Variants in MAX observed in about 807,000 individuals in gnomAD.
MAX encodes the protein protein max.
In MAX, 3 loss-of-function variants were observed where a neutral mutation model predicts 22.3. The observed-to-expected ratio is 0.13, with a 90% confidence interval of 0.06 to 0.35. The LOEUF (loss-of-function observed/expected upper bound fraction) is 0.35. Ranked by LOEUF, MAX falls within the 10% of genes least tolerant of loss-of-function variation. The probability of loss-of-function intolerance (pLI) is 1.00; values close to 1 mark genes in which losing one functional copy is unlikely to be tolerated. For synonymous variants in MAX, 72 were observed against 77.7 expected, an observed-to-expected ratio of 0.93 and a Z score of 0.39; for missense variants, 119 against 209.4, an observed-to-expected ratio of 0.57 and a Z score of 2.66.
chr14:65,081,414 C>T lies in MAX; in HGVS notation c.172-3378G>A, dbSNP rs1039835943. On this transcript the variant is annotated intron_variant, in intron 3 of 4. Transcript: ENST00000358664. ...AATCCTCCCCTCCCATCTTTCCACT[C>T]CATACAAGATCATGTGGCCAAACAC... 1.3e-5 allele frequency among the ~76,000 whole-genome samples: 2 copies of T among 152,310 alleles called. 1 individual carries two copies. Among genetic ancestry groups the T allele is most frequent in the Admixed American group, 1.3e-4 (2 of 15,302 alleles).
rs1426252910 is a variant in MAX, at chr14:65,009,794, C to G, written c.172-3510G>C. Among the ~76,000 whole-genome samples the G allele has an allele frequency of 2.6e-5, 4 of 152,194 alleles. No individual in the cohort carries two copies. The highest frequency in any genetic ancestry group is 4.8e-5 in the African/African-American group (2 of 41,436). On this transcript the variant is annotated intron_variant, in intron 3 of 3. Coordinates refer to the MAX transcript ENST00000341653. The surrounding 1 kb of genome is among the most constrained non-coding windows in gnomAD (Gnocchi z 4.2). ...ACTCATGTCTTTCCAGCCTTAAACT[C>G]AATGCTCTTCCCTTTGGGAAGAGTT...
intron 3 of MAX, among the ~76,000 whole-genome samples, chr14:65,053,608 G>T (rs56114828): frequency 0.012 from 1,543 of 128,900 alleles, 10 homozygotes; most frequent in South Asian, 0.015. Context: ...TTGCTGGGTA[G>T]ATAACTCTTC....
In MAX at chr14:65,031,923, TA is replaced by T. The variant is rs2062092952; in HGVS notation, c.172-25640del. 6.6e-6 allele frequency among the ~76,000 whole-genome samples: 1 copy of T among 151,336 alleles called. No homozygotes were observed. On this transcript the variant is annotated intron_variant, in intron 3 of 3. Transcript: ENST00000341653. This position sits in a 1 kb window ranked among gnomAD's most constrained non-coding sequence, Gnocchi z 4.6. ...GCGACAGAGTGAGACCCTGTCTCAA[TA>T]AAAACCAAAACAAAAGCAAAACAAA... is the stretch of plus-strand genomic sequence containing the variant.
rs2139885959 is a variant in MAX, at chr14:65,093,783, T to C, written c.96A>G (p.Glu32=). Residue 32 remains glutamate, a synonymous_variant, in exon 3 of 5, where the codon GAA becomes GAG. Coordinates refer to ENST00000358664, the MANE Select transcript of MAX (RefSeq NM_002382.5). This position sits in a 1 kb window ranked among gnomAD's most constrained non-coding sequence, Gnocchi z 4.4. The part of the protein sequence containing the change: ...ADKRAHHNAL[E]RKRRDHIKDS... ...CTTTGATGTGGTCCCTACGTTTTCGTTCCAGTGCATTATGATGAGCCCGTT... is the reference window on the plus strand; with the variant it reads ...CTTTGATGTGGTCCCTACGTTTTCGCTCCAGTGCATTATGATGAGCCCGTT... 1 of 1,609,506 alleles carries C rather than the reference T, an allele frequency of 6.2e-7. No individual in the cohort carries two copies. Among genetic ancestry groups the C allele is most frequent in the African/African-American group, 1.3e-5 (1 of 74,952 alleles).
At chr14:65,048,288 T>C (rs1287262571) in intron 3 of MAX, among the ~76,000 whole-genome samples, 2 of 151,964 alleles carry the variant, frequency 1.3e-5, no homozygotes, top group Non-Finnish European at 1.5e-5. Context: ...TGGCCAACTT[T>C]TTAGATTTTC....
In MAX at chr14:65,030,110, C is replaced by G. The variant is rs2062051569; in HGVS notation, c.172-23826G>C. 6.6e-6 allele frequency among the ~76,000 whole-genome samples: 1 copy of G among 152,200 alleles called. No homozygotes were observed. Among genetic ancestry groups the G allele is most frequent in the South Asian group, 2.1e-4 (1 of 4,834 alleles). On this transcript the variant is annotated intron_variant, in intron 3 of 3. Coordinates refer to the MAX transcript ENST00000341653. This position sits in a 1 kb window ranked among gnomAD's most constrained non-coding sequence, Gnocchi z 4.5. Reference sequence around the variant, plus strand: ...TGTCTTCTGTCATCACTTCTTAGTCCTCACACTTGTGAGAGGCAAACTGTA... The same window carrying G: ...TGTCTTCTGTCATCACTTCTTAGTCGTCACACTTGTGAGAGGCAAACTGTA...
rs2063090835 is a variant in MAX, at chr14:65,077,497, A to T, written c.295+416T>A. On this transcript the variant is annotated intron_variant, in intron 4 of 4. Transcript: ENST00000358664. This position sits in a 1 kb window ranked among gnomAD's most constrained non-coding sequence, Gnocchi z 6.3. ...TGGGCCTAGCCCATAGGCTGCCCTG[A>T]TTGGACTACCATTGACAATGGGGAG... 9.2e-7 allele frequency: 1 copy of T among 1,086,344 alleles called. No homozygotes were observed. Among genetic ancestry groups the T allele is most frequent in the Non-Finnish European group, 1.4e-6 (1 of 697,984 alleles). The allele number at this position is 1,086,344 out of a possible 1,614,324, so 67.3% of individuals were successfully genotyped here. A position where few individuals can be genotyped will look rare whatever the true frequency, so the allele number is the denominator to read the frequency against.
At chr14:65,018,621 C>G (rs1407448082) in intron 3 of MAX, among the ~76,000 whole-genome samples, 1 of 151,866 alleles carries the variant, frequency 6.6e-6, no homozygotes, top group Non-Finnish European at 1.5e-5. Flanking sequence ...ACCAGCCTGG[C>G]CAACATGGGG....
At chr14:65,067,484 C>T (rs1007077967) in intron 3 of MAX, among the ~76,000 whole-genome samples, 2 of 152,186 alleles carry the variant, frequency 1.3e-5, no homozygotes, top group South Asian at 4.1e-4. Flanking sequence ...TCTCCTTAGA[C>T]TCCTCTTGGT....
intron 3 of MAX, among the ~76,000 whole-genome samples, chr14:65,019,346 A>T (rs1388059118): frequency 6.6e-6 from 1 of 151,038 alleles, no homozygotes; most frequent in African/African-American, 2.4e-5. Context: ...AAATAGCCAG[A>T]TGTGGTGGCT....
chr14:65,026,486 T>C (rs1001475038), intron 3 of MAX, among the ~76,000 whole-genome samples: 5 of 152,178 alleles, frequency 3.3e-5, no homozygotes, highest in African/African-American at 4.8e-5. Flanking sequence ...GCTCCTCTTA[T>C]GTTTACCGCA....
At chr14:65,049,497 A>AT (rs1333985193) in intron 3 of MAX, among the ~76,000 whole-genome samples, 1 of 152,198 alleles carries the variant, frequency 6.6e-6, no homozygotes, top group African/African-American at 2.4e-5. Flanking sequence ...ATCTGCTTTC[A>AT]TCTTGTTGTG....
At chr14:65,102,118 G>C (rs571967819) in intron 1 of MAX, among the ~76,000 whole-genome samples, 186 bp downstream of exon 1, 12 of 152,280 alleles carry the variant, frequency 7.9e-5, no homozygotes, top group Middle Eastern at 3.4e-3. Flanking sequence ...CCAGTCCCAG[G>C]AGGCCGCTCC....
Position 65,044,530 on chromosome 14 carries a change from G to T in MAX, c.172-38246C>A, listed in dbSNP as rs1356341650. ...GGAAGCCCAGCGTGCTTTTTTAGAG[G>T]GGTTGAAATGAGCTCTGTCTATCCT... On this transcript the variant is annotated intron_variant, in intron 3 of 3. Transcript: ENST00000341653. The surrounding 1 kb of genome is among the most constrained non-coding windows in gnomAD (Gnocchi z 5.5). 1.2e-5 allele frequency: 18 copies of T among 1,527,198 alleles called. No individual in the cohort carries two copies. The highest frequency in any genetic ancestry group is 1.5e-5 in the Non-Finnish European group (17 of 1,142,628). The allele number at this position is 1,527,198 out of a possible 1,614,324, so 94.6% of individuals were successfully genotyped here.
chr14:65,083,815 C>G lies in MAX; in HGVS notation c.172-5779G>C. On this transcript the variant is annotated intron_variant, in intron 3 of 4. Transcript: ENST00000358664. ...AATGAAACCATTTATTTTCTGAAAC[C>G]TGTGTAAGCTTTTACACATATGAAG... The G allele has an allele frequency of 2.7e-6, 3 of 1,125,646 alleles. No individual in the cohort carries two copies. In the South Asian group the frequency reaches 9.7e-5, roughly 37 times the overall value. 69.7% of individuals were successfully genotyped at this position (1,125,646 alleles called of 1,614,324 possible). A position where few individuals can be genotyped will look rare whatever the true frequency, so the allele number is the denominator to read the frequency against.
Position 65,028,825 on chromosome 14 carries a change from C to T in MAX, c.172-22541G>A, listed in dbSNP as rs1002982719. ...AAATGTTAAAAGAGTTTTTTTCCCT[C>T]GTGTTCACTACATTTTCGTTCCTGT... On this transcript the variant is annotated intron_variant, in intron 3 of 3. Coordinates refer to the MAX transcript ENST00000341653. This position sits in a 1 kb window ranked among gnomAD's most constrained non-coding sequence, Gnocchi z 4.4. Among the ~76,000 whole-genome samples, 4 of 152,240 alleles carry T rather than the reference C, an allele frequency of 2.6e-5. No homozygotes were observed. Among genetic ancestry groups the T allele is most frequent in the Non-Finnish European group, 4.4e-5 (3 of 68,010 alleles).
chr14:65,055,407 A>G (rs991170009), intron 3 of MAX, among the ~76,000 whole-genome samples: 1 of 152,160 alleles, frequency 6.6e-6, no homozygotes, highest in Non-Finnish European at 1.5e-5. Context: ...ACTAAGCCCT[A>G]CTTCCACCAG....
chr14:65,032,524 A>G lies in MAX; in HGVS notation c.172-26240T>C. 6.8e-7 allele frequency: 1 copy of G among 1,466,848 alleles called. No individual in the cohort carries two copies. Among genetic ancestry groups the G allele is most frequent in the Non-Finnish European group, 9.2e-7 (1 of 1,084,120 alleles). The allele number at this position is 1,466,848 out of a possible 1,614,324, so 90.9% of individuals were successfully genotyped here. A position where few individuals can be genotyped will look rare whatever the true frequency, so the allele number is the denominator to read the frequency against. ...AGGAGGTGATTACAGCTTACTAGGC[A>G]AGGCGAGCAGTCCGCCCGCGGAGTT... On this transcript the variant is annotated intron_variant, in intron 3 of 3. Transcript: ENST00000341653. The surrounding 1 kb of genome is among the most constrained non-coding windows in gnomAD (Gnocchi z 5.0).
intron 3 of MAX, among the ~76,000 whole-genome samples, chr14:65,057,387 C>T (rs1027241782): frequency 6.6e-6 from 1 of 152,096 alleles, no homozygotes; most frequent in African/African-American, 2.4e-5. Flanking sequence ...TCTGTTTGCT[C>T]CAGTCTGGGA....
Sources: gnomAD v4.1 joint callset for allele counts (sites outside exome capture counted in the v4.1 genomes callset) on GRCh38, gnomAD v4.1.1 for gene constraint, Gnocchi (gnomAD v3.1) non-coding constraint, MANE v1.5 for transcripts, NCBI Gene and HGNC (gene_info 2026-07-23, HGNC 2026-07-21) for gene names.